The following SENP2 variants were observed in gnomAD, a reference collection of about 807,000 sequenced individuals.
SENP2 encodes SUMO specific peptidase 2.
A neutral mutation model predicts 86.3 loss-of-function variants in SENP2; 16 were observed. That is an observed-to-expected ratio of 0.19 (90% CI 0.13 to 0.28). SENP2 has a LOEUF of 0.28. Among genes scored for constraint, SENP2 ranks in the 10% least tolerant of loss-of-function variants. SENP2 has a pLI of 1.00. For synonymous variants in SENP2, 222 were observed against 238.7 expected (o/e 0.93, Z 0.64); for missense variants, 552 against 703.0 (o/e 0.79, Z 2.43).
At chr3:185,593,133 C>G (rs1722063358) in intron 2 of SENP2, among the ~76,000 whole-genome samples, 1 of 151,814 alleles carries the variant, frequency 6.6e-6, no homozygotes, top group Non-Finnish European at 1.5e-5. Flanking sequence ...GATAGGATAT[C>G]AAAGGAGAGC....
rs1317724975 is a variant in SENP2, at chr3:185,630,227, AG to A, written c.*384del. 1.7e-5 allele frequency: 3 copies of A among 180,112 alleles called. No individual in the cohort carries two copies. The highest frequency in any genetic ancestry group is 6.9e-5 in the African/African-American group (3 of 43,308). 11.2% of individuals were successfully genotyped at this position (180,112 alleles called of 1,614,324 possible). A position where few individuals can be genotyped will look rare whatever the true frequency, so the allele number is the denominator to read the frequency against. ...TCACTCGTTTGCAAACATAATGGGC[AG>A]TGGTCATTTACTGCTGCTCTTTTAC... On this transcript the variant is annotated 3_prime_UTR_variant, in exon 17 of 17. Coordinates refer to ENST00000296257, the MANE Select transcript of SENP2 (RefSeq NM_021627.3).
chr3:185,629,916 G>T lies in SENP2; in HGVS notation c.*72G>T. ...CATTTCCATATACCTCATGCATTGTGGGTTAAAAAGTCCCTGCATCACTTC... is the reference window on the plus strand; with the variant it reads ...CATTTCCATATACCTCATGCATTGTTGGTTAAAAAGTCCCTGCATCACTTC... On this transcript the variant is annotated 3_prime_UTR_variant, in exon 17 of 17. Transcript: ENST00000296257. 1 of 1,448,854 alleles carries T rather than the reference G, an allele frequency of 6.9e-7. No individual in the cohort carries two copies. Among genetic ancestry groups the T allele is most frequent in the East Asian group, 2.3e-5 (1 of 43,778 alleles). 89.7% of individuals were successfully genotyped at this position (1,448,854 alleles called of 1,614,324 possible). A position where few individuals can be genotyped will look rare whatever the true frequency, so the allele number is the denominator to read the frequency against.
In SENP2 at chr3:185,598,997, G is replaced by A; in HGVS notation, c.331G>A (p.Gly111Arg). 1 of 1,612,968 alleles carries A rather than the reference G, an allele frequency of 6.2e-7. No homozygotes were observed. The highest frequency in any genetic ancestry group is 8.5e-7 in the Non-Finnish European group (1 of 1,179,666). Reference protein sequence around the residue: ...NSSSCELTGSGSWNNMLKLGN... With the variant: ...NSSSCELTGSRSWNNMLKLGN... ...TTCATCTTGTGAACTGACAGGTTCT[G>A]GATCCTGGAACAACATGCTGAAACT... The change falls in exon 4 of 17, where the codon GGA (glycine) becomes AGA (arginine). Residue 111 changes from glycine (G) to arginine (R), a missense_variant. Physicochemically the swap from Gly to Arg is moderately radical, Grantham distance 125. Coordinates refer to ENST00000296257, the MANE Select transcript of SENP2 (RefSeq NM_021627.3).
At chr3:185,587,082 T>G (rs914734551) in intron 1 of SENP2, among the ~76,000 whole-genome samples, 3 of 152,208 alleles carry the variant, frequency 2.0e-5, no homozygotes, top group African/African-American at 7.2e-5. Context: ...TAGTCTGTAC[T>G]CTTAAATTCG....
At position 185,630,052 on chromosome 3, in the gene SENP2, T is replaced by TG; in HGVS notation, c.*209dup. On this transcript the variant is annotated 3_prime_UTR_variant, in exon 17 of 17. Coordinates refer to ENST00000296257, the MANE Select transcript of SENP2 (RefSeq NM_021627.3). ...GCAATCCTGTTTGTAAGGCTGTGCCTGCTCAGAGCTTTGGACTGTTCAACC... is the reference window on the plus strand; with the variant it reads ...GCAATCCTGTTTGTAAGGCTGTGCCTGGCTCAGAGCTTTGGACTGTTCAACC... 1 of 557,174 alleles carries TG rather than the reference T, an allele frequency of 1.8e-6. No homozygotes were observed. The highest frequency in any genetic ancestry group is 3.0e-5 in the East Asian group (1 of 33,856). The allele number at this position is 557,174 out of a possible 1,614,324, so 34.5% of individuals were successfully genotyped here. A position where few individuals can be genotyped will look rare whatever the true frequency, so the allele number is the denominator to read the frequency against.
intron 15 of SENP2, among the ~76,000 whole-genome samples, chr3:185,625,055 G>A (rs1577746188): frequency 6.6e-6 from 1 of 152,130 alleles, no homozygotes; most frequent in East Asian, 1.9e-4. Flanking sequence ...AGAGATGCTA[G>A]GCTTGAGAGA....
At chr3:185,612,501 A>G (rs577489444) in intron 8 of SENP2, 106 bp from the exon 9 acceptor site, 43 of 745,944 alleles carry the variant, frequency 5.8e-5, no homozygotes, top group African/African-American at 4.8e-4. Context: ...TAGCATTTCA[A>G]TGTAGAGGAA....
At chr3:185,623,599 G>A (rs895500359) in intron 14 of SENP2, among the ~76,000 whole-genome samples, 3 of 151,838 alleles carry the variant, frequency 2.0e-5, no homozygotes, top group Non-Finnish European at 2.9e-5. Flanking sequence ...TGAGGCAGGC[G>A]GGATCACAGG....
intron 1 of SENP2, among the ~76,000 whole-genome samples, chr3:185,588,737 C>T (rs1721882371): frequency 6.6e-6 from 1 of 152,152 alleles, no homozygotes; most frequent in African/African-American, 2.4e-5. Flanking sequence ...AGTGCCTAAA[C>T]TGATGCTTAA....
intron 11 of SENP2, among the ~76,000 whole-genome samples, chr3:185,616,199 G>A (rs894097747): frequency 1.3e-5 from 2 of 148,280 alleles, no homozygotes; most frequent in South Asian, 2.2e-4. Context: ...GAGAATGGGC[G>A]TGGTGGCTCA....
rs548751522 is a variant in SENP2 at position 185,605,375 on chromosome 3, A to C, written c.450-955A>C. On this transcript the variant is annotated intron_variant, in intron 5 of 16. Transcript: ENST00000296257. ...GACAAGAGTGAAACTTCGTCGAAAAAAAAAAGAATAAGGGCATTCACTTAC... is the reference window on the plus strand; with the variant it reads ...GACAAGAGTGAAACTTCGTCGAAAACAAAAAGAATAAGGGCATTCACTTAC... Among the ~76,000 whole-genome samples the C allele has an allele frequency of 1.1e-3, 170 of 152,146 alleles. 1 individual carries two copies. The highest frequency in any genetic ancestry group is 2.1e-3 in the Non-Finnish European group (144 of 68,002).
chr3:185,606,467 G>C lies in SENP2; in HGVS notation c.587G>C (p.Gly196Ala), dbSNP rs1355044602. ...ATGATTTCTGAAGAGAGTGGCAAGG[G>C]TCTGAGGCGTCCCCATTGTACTGTG... ...TEMISEESGK[G>A]LRRPHCTVEE... The change falls in exon 6 of 17, where the codon GGT becomes GCT. Residue 196 changes from glycine to alanine, a missense_variant. Physicochemically the swap from Gly to Ala is moderately conservative, Grantham distance 60. Transcript: ENST00000296257. 1 of 1,612,592 alleles carries C rather than the reference G, an allele frequency of 6.2e-7. No homozygotes were observed. Among genetic ancestry groups the C allele is most frequent in the Non-Finnish European group, 8.5e-7 (1 of 1,179,654 alleles).
chr3:185,616,579 T>C (rs988143891), intron 11 of SENP2, among the ~76,000 whole-genome samples: 1 of 150,228 alleles, frequency 6.7e-6, no homozygotes, highest in Non-Finnish European at 1.5e-5. Context: ...ATCGAGACCA[T>C]CCTGGCTAAC....
chr3:185,622,214 A>G (rs767899056), intron 14 of SENP2, among the ~76,000 whole-genome samples: 4 of 152,190 alleles, frequency 2.6e-5, no homozygotes, highest in Admixed American at 6.6e-5. Context: ...GGGGAGTGCT[A>G]GTCCTCTCAA....
intron 15 of SENP2, 118 bp from the exon 16 acceptor site, chr3:185,626,180 C>T: frequency 1.6e-6 from 1 of 642,174 alleles, no homozygotes; most frequent in South Asian, 2.0e-5. Flanking sequence ...TTAGGTAATA[C>T]CTGATTTAAT....
chr3:185,609,173 T>TA, intron 6 of SENP2, 74 bp from the exon 7 acceptor site: 2 of 954,078 alleles, frequency 2.1e-6, no homozygotes, highest in Non-Finnish European at 3.3e-6. Context: ...AAAACACACC[T>TA]ATGGTTTACA....
At chr3:185,590,021 A>AGGG (rs1560187716) in intron 1 of SENP2, 93 bp from the exon 2 acceptor site, 2 of 629,004 alleles carry the variant, frequency 3.2e-6, no homozygotes, top group Admixed American at 3.6e-5. Flanking sequence ...AAGTGATAGA[A>AGGG]GGGGGATGTG....
intron 7 of SENP2, among the ~76,000 whole-genome samples, chr3:185,610,871 T>A (rs1255437665): frequency 6.6e-6 from 1 of 151,780 alleles, no homozygotes; most frequent in Non-Finnish European, 1.5e-5. Context: ...GGCAGGAGAA[T>A]GGCGTGAACC....
chr3:185,632,224 G>GTTTT lies in SENP2; in HGVS notation c.*2389_*2392dup, dbSNP rs766556308. On this transcript the variant is annotated 3_prime_UTR_variant, in exon 17 of 17. Coordinates refer to ENST00000296257, the MANE Select transcript of SENP2 (RefSeq NM_021627.3). ...CATTAAAGCCAGTGGTTTTTTTTTT[G>GTTTT]TTTTTTTTTTTTGTTTTTTTTTTTT... The GTTTT allele has an allele frequency of 1.6e-3, 116 of 71,858 alleles. 1 individual carries two copies. The highest frequency in any genetic ancestry group is 9.3e-3 in the Middle Eastern group (1 of 108). 4.5% of individuals were successfully genotyped at this position (71,858 alleles called of 1,614,324 possible). A position where few individuals can be genotyped will look rare whatever the true frequency, so the allele number is the denominator to read the frequency against.
Sources: gnomAD v4.1 joint callset for allele counts (sites outside exome capture counted in the v4.1 genomes callset) on GRCh38, gnomAD v4.1.1 for gene constraint, MANE v1.5 for transcripts, NCBI Gene and HGNC (gene_info 2026-07-23, HGNC 2026-07-21) for gene names.